Variants in METTL15 observed in about 807,000 individuals in gnomAD.
The protein encoded by METTL15 is methyltransferase 15, mitochondrial 12S rRNA N4-cytidine.
A neutral mutation model predicts 38.3 loss-of-function variants in METTL15; 34 were observed. That is an observed-to-expected ratio of 0.89 (90% CI 0.68 to 1.18). METTL15 has a LOEUF of 1.18. METTL15 is among the 50% of genes most tolerant of loss of function. The pLI is 0.00. For synonymous variants in METTL15, 162 were observed against 170.9 expected, an observed-to-expected ratio of 0.95 and a Z score of 0.41; for missense variants, 438 against 498.4, an observed-to-expected ratio of 0.88 and a Z score of 1.15.
intron 4 of METTL15, among the ~76,000 whole-genome samples, chr11:28,216,039 G>A (rs1229035223): frequency 2.0e-5 from 3 of 152,218 alleles, no homozygotes; most frequent in African/African-American, 7.2e-5. Context: ...TGCATGGAAG[G>A]ATAGACAGAT....
intron 4 of METTL15, among the ~76,000 whole-genome samples, chr11:28,258,879 A>G (rs140776351): frequency 1.7e-3 from 252 of 152,262 alleles, no homozygotes; most frequent in Non-Finnish European, 3.0e-3. Context: ...TCCTGTGGCT[A>G]AGCTTGTACC....
intron 4 of METTL15, among the ~76,000 whole-genome samples, chr11:28,276,328 A>C (rs1007140784): frequency 2.4e-4 from 37 of 152,176 alleles, no homozygotes. Context: ...GAAATCAAGA[A>C]GGCAATTCCA....
downstream of METTL15, among the ~76,000 whole-genome samples, chr11:28,336,903 G>A (rs1247750768): frequency 6.6e-6 from 1 of 152,074 alleles, no homozygotes; most frequent in Non-Finnish European, 1.5e-5. Context: ...AGGTATTCCA[G>A]AAGAAGGCAT....
At chr11:28,171,314 G>T (rs1168347339) in intron 3 of METTL15, among the ~76,000 whole-genome samples, 1 of 152,186 alleles carries the variant, frequency 6.6e-6, no homozygotes, top group African/African-American at 2.4e-5. Flanking sequence ...GTGACTTGTA[G>T]TGCAGCACTA....
chr11:28,133,549 C>T (rs1248003123), intron 3 of METTL15, among the ~76,000 whole-genome samples: 1 of 152,188 alleles, frequency 6.6e-6, no homozygotes, highest in Non-Finnish European at 1.5e-5. Flanking sequence ...CCATAAGATA[C>T]TGCAAAAATG....
chr11:28,111,249 G>T (rs577605046), intron 2 of METTL15, among the ~76,000 whole-genome samples: 9 of 152,304 alleles, frequency 5.9e-5, no homozygotes, highest in African/African-American at 2.2e-4. Context: ...AAAATTAAAT[G>T]CAAGTGATAG....
At chr11:28,113,751 A>T in intron 3 of METTL15, 147 bp downstream of exon 3, 1 of 804,486 alleles carries the variant, frequency 1.2e-6, no homozygotes, top group Non-Finnish European at 1.9e-6. Context: ...AGTGATACAC[A>T]TTCAGTAGAA....
chr11:28,239,688 A>G (rs974435144), intron 4 of METTL15, among the ~76,000 whole-genome samples: 2 of 152,128 alleles, frequency 1.3e-5, no homozygotes, highest in Non-Finnish European at 2.9e-5. Flanking sequence ...TACACCTAGC[A>G]TGTTTGCACC....
At chr11:28,200,625 A>G (rs1703950199) in intron 3 of METTL15, among the ~76,000 whole-genome samples, 1 of 152,032 alleles carries the variant, frequency 6.6e-6, no homozygotes, top group Admixed American at 6.6e-5. Flanking sequence ...GTCCTTAAAA[A>G]ATTATTTTTA....
intron 6 of METTL15, chr11:28,516,705 T>C (rs527346700): frequency 6.6e-6 from 1 of 152,282 alleles, no homozygotes; most frequent in African/African-American, 2.4e-5. Context: ...CCCAGGTGCT[T>C]AATCCCATAT....
chr11:28,392,606 A>G (rs1850522827), intron 5 of METTL15, among the ~76,000 whole-genome samples: 1 of 152,092 alleles, frequency 6.6e-6, no homozygotes, highest in South Asian at 2.1e-4. Context: ...GCAGTGATTT[A>G]TTGGATATAA....
chr11:28,383,667 G>T (rs1647123044), intron 5 of METTL15, among the ~76,000 whole-genome samples: 1 of 152,080 alleles, frequency 6.6e-6, no homozygotes, highest in Admixed American at 6.6e-5. Context: ...TCTGACTAGT[G>T]TGAGATAGTA....
chr11:28,335,555 T>C (rs1212026814), downstream of METTL15, among the ~76,000 whole-genome samples: 1 of 152,174 alleles, frequency 6.6e-6, no homozygotes, highest in East Asian at 1.9e-4. Flanking sequence ...CCAAATCTCA[T>C]GTTGAAATTT....
intron 5 of METTL15, among the ~76,000 whole-genome samples, chr11:28,388,167 A>G (rs1225147380): frequency 6.6e-6 from 1 of 152,032 alleles, no homozygotes; most frequent in East Asian, 1.9e-4. Context: ...AAAGATTCTC[A>G]CTCTCACTGC....
At chr11:28,335,343 A>G (rs575435168), downstream of METTL15, among the ~76,000 whole-genome samples, 11 of 152,344 alleles carry the variant, frequency 7.2e-5, no homozygotes, top group East Asian at 3.9e-4. Context: ...CCGGATCTAC[A>G]TGTAATAACT....
intron 4 of METTL15, among the ~76,000 whole-genome samples, chr11:28,279,324 A>G (rs72876498): frequency 6.6e-6 from 1 of 152,070 alleles, no homozygotes; most frequent in Non-Finnish European, 1.5e-5. Flanking sequence ...AAGCAGCCTA[A>G]AATTTGATTG....
chr11:28,500,812 T>C (rs1207847729), intron 6 of METTL15, among the ~76,000 whole-genome samples: 4 of 152,190 alleles, frequency 2.6e-5, no homozygotes, highest in Non-Finnish European at 5.9e-5. Context: ...CGTGAGCCAC[T>C]GCACCCGGCT....
At chr11:28,469,628 TAAC>T (rs920183506) in intron 6 of METTL15, among the ~76,000 whole-genome samples, 4 of 152,166 alleles carry the variant, frequency 2.6e-5, no homozygotes, top group East Asian at 1.9e-4. Context: ...GTAATAATGA[TAAC>T]AACCTCTTCA....
chr11:28,419,389 A>C (rs1850800854), intron 5 of METTL15, among the ~76,000 whole-genome samples: 1 of 152,176 alleles, frequency 6.6e-6, no homozygotes, highest in Admixed American at 6.5e-5. Flanking sequence ...ATTTTGTCCA[A>C]GACCACCAAG....
Sources: gnomAD v4.1 joint callset for allele counts (sites outside exome capture counted in the v4.1 genomes callset) on GRCh38, gnomAD v4.1.1 for gene constraint, MANE v1.5 for transcripts, NCBI Gene and HGNC (gene_info 2026-07-23, HGNC 2026-07-21) for gene names.